Variants in CDH13 observed in about 807,000 individuals in gnomAD.
CDH13 encodes the protein cadherin 13, also known as cadherin-13.
In CDH13, 24 loss-of-function variants were observed where a neutral mutation model predicts 63.8. The observed-to-expected ratio is 0.38, with a 90% CI of 0.27 to 0.53. The LOEUF is 0.53. Ranked by LOEUF, CDH13 falls within the 20% of genes least tolerant of loss-of-function variation. CDH13 has a pLI of 0.85. For missense variants in CDH13, 1,049 were observed against 903.1 expected, an observed-to-expected ratio of 1.16 and a Z score of -2.07; for synonymous variants, 503 against 355.3, an observed-to-expected ratio of 1.42 and a Z score of -4.67.
intron 5 of CDH13, among the ~76,000 whole-genome samples, chr16:83,304,344 G>A (rs2089824597): frequency 6.6e-6 from 1 of 152,178 alleles, no homozygotes; most frequent in South Asian, 2.1e-4. Flanking sequence ...AAAAAAGACT[G>A]TGTTGGTAAT....
At chr16:83,339,541 G>A (rs1371400982) in intron 5 of CDH13, among the ~76,000 whole-genome samples, 1 of 152,078 alleles carries the variant, frequency 6.6e-6, no homozygotes, top group African/African-American at 2.4e-5. Context: ...AGTCACCATG[G>A]TGGGCTCTTA....
In CDH13 at chr16:83,681,254, G is replaced by A. The variant is rs3784946; in HGVS notation, c.1538+2793G>A. Among the ~76,000 whole-genome samples the A allele has an allele frequency of 3.3e-5, 5 of 152,284 alleles. No individual in the cohort carries two copies. In the East Asian group the frequency reaches 9.7e-4, roughly 29 times the overall value. ...GCTGTGTAATCAGGAACCACAGAGA[G>A]CCCCTGGCCCAAAGGTGAACCTTGT... On this transcript the variant is annotated intron_variant, in intron 10 of 13. Coordinates refer to ENST00000567109, the MANE Select transcript of CDH13 (RefSeq NM_001257.5).
chr16:83,575,065 A>G (rs1904982657), intron 7 of CDH13, among the ~76,000 whole-genome samples: 1 of 152,234 alleles, frequency 6.6e-6, no homozygotes, highest in South Asian at 2.1e-4. Context: ...TTTGGCCATA[A>G]AAATGAACGA....
intron 11 of CDH13, among the ~76,000 whole-genome samples, chr16:83,776,279 G>GA (rs1395190262): frequency 6.6e-6 from 1 of 152,036 alleles, no homozygotes; most frequent in African/African-American, 2.4e-5. Context: ...TATTCAGAGT[G>GA]AAAAAACATA....
intron 2 of CDH13, among the ~76,000 whole-genome samples, chr16:82,918,568 G>A (rs561326850): frequency 6.7e-6 from 1 of 149,360 alleles, no homozygotes; most frequent in African/African-American, 2.5e-5. Flanking sequence ...GAGTGCAATG[G>A]CACTATCTCC....
chr16:83,363,086 A>G (rs2091194643), intron 6 of CDH13, among the ~76,000 whole-genome samples: 1 of 152,226 alleles, frequency 6.6e-6, no homozygotes, highest in Non-Finnish European at 1.5e-5. Flanking sequence ...CTAGAGTTAG[A>G]AAAACTGTAA....
rs75908281 is a variant in CDH13 at position 83,394,642 on chromosome 16, C to A, written c.781+49636C>A. On this transcript the variant is annotated intron_variant, in intron 6 of 13. Coordinates refer to ENST00000567109, the MANE Select transcript of CDH13 (RefSeq NM_001257.5). ...CAGAAGCGTGACATGACCTGACTTG[C>A]ATTTTATAGGACCTCCCTTGCTAGT... is the stretch of plus-strand genomic sequence containing the variant. Among the ~76,000 whole-genome samples, 1,070 of 152,282 alleles carry A rather than the reference C, an allele frequency of 7.0e-3. 4 individuals are homozygous for A. Among genetic ancestry groups the A allele is most frequent in the Non-Finnish European group, 0.011 (736 of 68,030 alleles).
At chr16:83,080,160 T>C (rs1399914691) in intron 3 of CDH13, among the ~76,000 whole-genome samples, 1 of 152,248 alleles carries the variant, frequency 6.6e-6, no homozygotes, top group South Asian at 2.1e-4. Context: ...GATGATAAAG[T>C]GTTCTTTCTC....
intron 10 of CDH13, among the ~76,000 whole-genome samples, chr16:83,692,099 C>T (rs1041611921): frequency 2.0e-5 from 3 of 152,176 alleles, no homozygotes; most frequent in Non-Finnish European, 4.4e-5. Context: ...CCTCCCAAAC[C>T]AAACTGAAGC....
At chr16:83,606,316 C>G (rs1184953105) in intron 8 of CDH13, among the ~76,000 whole-genome samples, 1 of 152,124 alleles carries the variant, frequency 6.6e-6, no homozygotes, top group Non-Finnish European at 1.5e-5. Flanking sequence ...CTTTCCCTCT[C>G]CGGAGAGATG....
chr16:83,514,420 G>T (rs1169153390), intron 7 of CDH13, among the ~76,000 whole-genome samples: 1 of 152,192 alleles, frequency 6.6e-6, no homozygotes, highest in African/African-American at 2.4e-5. Flanking sequence ...AAGGCAGGTG[G>T]ATCACCTGAG....
intron 10 of CDH13, among the ~76,000 whole-genome samples, chr16:83,727,935 T>C (rs942059647): frequency 2.7e-4 from 41 of 152,166 alleles, no homozygotes; most frequent in African/African-American, 9.9e-4. Context: ...GGTTTAAGTA[T>C]CAAGTTTGAC....
intron 1 of CDH13, among the ~76,000 whole-genome samples, chr16:82,750,160 C>A (rs999066184): frequency 6.6e-6 from 1 of 151,958 alleles, no homozygotes; most frequent in Non-Finnish European, 1.5e-5. Context: ...CCAAAAGCAG[C>A]GATGCTTCAG....
intron 6 of CDH13, among the ~76,000 whole-genome samples, chr16:83,346,890 C>A (rs1024452409): frequency 1.3e-5 from 2 of 152,098 alleles, no homozygotes; most frequent in African/African-American, 4.8e-5. Flanking sequence ...AAAACATAAA[C>A]CACCTCAAAT....
intron 2 of CDH13, among the ~76,000 whole-genome samples, chr16:83,023,951 G>T (rs1285987395): frequency 6.6e-6 from 1 of 152,142 alleles, no homozygotes; most frequent in African/African-American, 2.4e-5. Flanking sequence ...TTTAGATATT[G>T]CCAAAGCTAT....
At chr16:82,761,500 C>T (rs545298132) in intron 1 of CDH13, among the ~76,000 whole-genome samples, 19 of 152,162 alleles carry the variant, frequency 1.2e-4, no homozygotes, top group Non-Finnish European at 2.5e-4. Context: ...TTCTTTCTAC[C>T]TCAGAAGGCT....
At chr16:83,645,046 C>T (rs563906577) in intron 8 of CDH13, among the ~76,000 whole-genome samples, 2 of 152,308 alleles carry the variant, frequency 1.3e-5, no homozygotes, top group Admixed American at 6.5e-5. Context: ...ACATCCACTC[C>T]CAAATCCTCT....
intron 5 of CDH13, among the ~76,000 whole-genome samples, chr16:83,248,138 G>T (rs1905147554): frequency 6.6e-6 from 1 of 152,104 alleles, no homozygotes; most frequent in Non-Finnish European, 1.5e-5. Flanking sequence ...ACGGGAACCT[G>T]CTGGCTTTCT....
chr16:83,585,098 C>T (rs1408784472), intron 7 of CDH13, among the ~76,000 whole-genome samples: 1 of 152,070 alleles, frequency 6.6e-6, no homozygotes, highest in Non-Finnish European at 1.5e-5. Context: ...GCTCCCGAGC[C>T]ATGACTTAGA....
Sources: allele counts gnomAD v4.1 joint callset (sites outside exome capture counted in the v4.1 genomes callset), GRCh38; gene constraint gnomAD v4.1.1; transcripts MANE v1.5; gene names NCBI Gene and HGNC (gene_info 2026-07-23, HGNC 2026-07-21).